The following TMEM207 variants were observed in gnomAD, a reference collection of about 807,000 sequenced individuals.
TMEM207 encodes the protein transmembrane protein 207.
Under a neutral mutation model 17.4 loss-of-function variants are expected in TMEM207, and 15 were observed. The ratio of observed to expected loss-of-function variants is 0.86; its 90% CI spans 0.58 to 1.33. The LOEUF is 1.33. Among genes scored for constraint, TMEM207 ranks in the 40% most tolerant of loss-of-function variants. TMEM207 has a pLI of 0.00. For synonymous variants in TMEM207, 70 were observed against 65.6 expected, an observed-to-expected ratio of 1.07 and a Z score of -0.33; for missense variants, 205 against 173.8, an observed-to-expected ratio of 1.18 and a Z score of -1.01.
In TMEM207 at chr3:190,429,391, C is replaced by T. The variant is rs549145762; in HGVS notation, c.*204G>A. On this transcript the variant is annotated 3_prime_UTR_variant, in exon 5 of 5. Transcript: ENST00000354905. ...ATAAAAGTATGATACAGCAGTGACA[C>T]ATCAAAAGCCTGCTACTTTACTATT... The T allele has an allele frequency of 6.0e-5, 35 of 579,066 alleles. No individual in the cohort carries two copies. The highest frequency in any genetic ancestry group is 9.4e-5 in the Admixed American group (3 of 31,798). 35.9% of individuals were successfully genotyped at this position (579,066 alleles called of 1,614,324 possible).
At chr3:190,448,370 C>T (rs538693410) in intron 1 of TMEM207, among the ~76,000 whole-genome samples, 28 of 152,208 alleles carry the variant, frequency 1.8e-4, no homozygotes, top group South Asian at 1.2e-3. Flanking sequence ...GATTTACAGT[C>T]TTCTCTTTAT....
intron 4 of TMEM207, 106 bp from the exon 5 acceptor site, chr3:190,429,837 G>C: frequency 1.5e-6 from 2 of 1,321,304 alleles, no homozygotes; most frequent in Admixed American, 2.7e-5. Flanking sequence ...TGAAGCAACA[G>C]AAAATTATTT....
chr3:190,448,103 C>T (rs1326611743), intron 1 of TMEM207, among the ~76,000 whole-genome samples: 1 of 151,900 alleles, frequency 6.6e-6, no homozygotes, highest in Non-Finnish European at 1.5e-5. Flanking sequence ...TTTGTTTTTT[C>T]TATATGCAGA....
chr3:190,445,607 C>A (rs1335999389), intron 2 of TMEM207, among the ~76,000 whole-genome samples: 3 of 152,130 alleles, frequency 2.0e-5, no homozygotes, highest in Non-Finnish European at 4.4e-5. Context: ...CTCACTGCAA[C>A]CGCCACCTCC....
At position 190,434,685 on chromosome 3, in the gene TMEM207, T is replaced by C. The variant is rs554938457; in HGVS notation, c.305-4954A>G. Among the ~76,000 whole-genome samples the C allele has an allele frequency of 1.3e-5, 2 of 152,340 alleles. 1 individual carries two copies. Among genetic ancestry groups the C allele is most frequent in the Admixed American group, 1.3e-4 (2 of 15,306 alleles). ...ACCCACATAATACTAGAATTATTCA[T>C]CTTTGACGATTTAGAGAAGGAACTA... On this transcript the variant is annotated intron_variant, in intron 4 of 4. Coordinates refer to ENST00000354905, the MANE Select transcript of TMEM207 (RefSeq NM_207316.3).
At chr3:190,443,161 T>G (rs993338783) in intron 2 of TMEM207, among the ~76,000 whole-genome samples, 13 of 146,152 alleles carry the variant, frequency 8.9e-5, no homozygotes, top group Admixed American at 4.7e-4. Context: ...TTTTTTTTTG[T>G]TTTGTTTTGT....
At chr3:190,444,206 G>A (rs1349022866) in intron 2 of TMEM207, among the ~76,000 whole-genome samples, 2 of 152,082 alleles carry the variant, frequency 1.3e-5, no homozygotes, top group African/African-American at 4.8e-5. Context: ...GTGAAATAAC[G>A]GACTCTCAAA....
rs1412847760 is a variant in TMEM207 at position 190,447,434 on chromosome 3, C to T, written c.113+356G>A. 4.6e-5 allele frequency among the ~76,000 whole-genome samples: 7 copies of T among 152,182 alleles called. No homozygotes were observed. The South Asian group carries it at 8.3e-4, about 18-fold the overall frequency. ...TTAAACTGAGTTATACAGAAAACTG[C>T]CTCCCTTGGTCACTGTGATTTTTGA... On this transcript the variant is annotated intron_variant, in intron 2 of 4. Transcript: ENST00000354905.
At chr3:190,436,432 G>A (rs1719804232) in intron 4 of TMEM207, among the ~76,000 whole-genome samples, 1 of 152,088 alleles carries the variant, frequency 6.6e-6, no homozygotes, top group Admixed American at 6.6e-5. Flanking sequence ...TTCTGAACAG[G>A]GACTGTGAGG....
chr3:190,438,951 A>G (rs1295747065), intron 4 of TMEM207, among the ~76,000 whole-genome samples: 1 of 152,118 alleles, frequency 6.6e-6, no homozygotes, highest in Non-Finnish European at 1.5e-5. Context: ...GCACTTTGGG[A>G]GGCCGAGGCG....
chr3:190,445,047 G>A (rs1482461699), intron 2 of TMEM207, among the ~76,000 whole-genome samples: 4 of 152,092 alleles, frequency 2.6e-5, no homozygotes, highest in African/African-American at 9.7e-5. Context: ...ATTAAATGTT[G>A]GATATACAAT....
chr3:190,446,321 C>A (rs936912288), intron 2 of TMEM207, among the ~76,000 whole-genome samples: 2 of 152,120 alleles, frequency 1.3e-5, no homozygotes, highest in Admixed American at 1.3e-4. Flanking sequence ...ACTTTTTACT[C>A]CCTCAGAAAA....
chr3:190,437,468 A>G (rs1378045714), intron 4 of TMEM207, among the ~76,000 whole-genome samples: 2 of 152,216 alleles, frequency 1.3e-5, no homozygotes, highest in African/African-American at 2.4e-5. Context: ...GGAATTAGAG[A>G]TAATATCTGA....
chr3:190,441,609 G>T, intron 2 of TMEM207, 127 bp from the exon 3 acceptor site: 1 of 699,386 alleles, frequency 1.4e-6, no homozygotes, highest in Non-Finnish European at 2.5e-6. Context: ...TCCCATACCA[G>T]CCCATATCGT....
intron 2 of TMEM207, among the ~76,000 whole-genome samples, chr3:190,443,413 T>C (rs1164467464): frequency 6.6e-6 from 1 of 152,198 alleles, no homozygotes; most frequent in Non-Finnish European, 1.5e-5. Flanking sequence ...CTTTTTTTTC[T>C]GAGCTGGTGC....
At chr3:190,432,881 A>T (rs530961692) in intron 4 of TMEM207, among the ~76,000 whole-genome samples, 82 of 152,290 alleles carry the variant, frequency 5.4e-4, no homozygotes, top group African/African-American at 1.8e-3. Context: ...TCAAGCGATC[A>T]GCCCCAGGGA....
intron 2 of TMEM207, among the ~76,000 whole-genome samples, chr3:190,445,682 T>A (rs908179030): frequency 6.6e-6 from 1 of 152,078 alleles, no homozygotes; most frequent in Admixed American, 6.5e-5. Flanking sequence ...CGTGCCACCA[T>A]GCCCGGCTAA....
chr3:190,437,159 A>G (rs1719818658), intron 4 of TMEM207, among the ~76,000 whole-genome samples: 2 of 152,210 alleles, frequency 1.3e-5, no homozygotes, highest in Non-Finnish European at 2.9e-5. Context: ...TTGGGGTGAA[A>G]GAATAGAGTG....
intron 4 of TMEM207, among the ~76,000 whole-genome samples, chr3:190,433,311 T>C (rs1464478191): frequency 6.6e-6 from 1 of 152,176 alleles, no homozygotes; most frequent in Admixed American, 6.5e-5. Flanking sequence ...TTGTCATCCT[T>C]ATTTTTAGTA....
Sources: allele counts gnomAD v4.1 joint callset (sites outside exome capture counted in the v4.1 genomes callset), GRCh38; gene constraint gnomAD v4.1.1; transcripts MANE v1.5; gene names NCBI Gene and HGNC (gene_info 2026-07-23, HGNC 2026-07-21).